SNX29: variants seen among roughly 807,000 people sequenced by gnomAD.
SNX29 encodes the protein sorting nexin 29.
A neutral mutation model predicts 102.1 loss-of-function variants in SNX29; 78 were observed. The ratio of observed to expected loss-of-function variants is 0.76; its 90% confidence interval spans 0.64 to 0.92. The LOEUF is 0.92. SNX29 is among the 40% of genes least tolerant of loss of function. The pLI is 0.00. For missense variants in SNX29, 1,280 were observed against 1,061.7 expected (o/e 1.21, Z -2.86); for synonymous variants, 580 against 414.5 (o/e 1.40, Z -4.85).
chr16:12,138,091 G>T (rs956829491), intron 13 of SNX29, among the ~76,000 whole-genome samples: 1 of 151,864 alleles, frequency 6.6e-6, no homozygotes, highest in Admixed American at 6.6e-5. Context: ...AGCCTGCCAA[G>T]AATTTGCCAT....
At chr16:12,560,582 A>T (rs1042499180) in intron 20 of SNX29, among the ~76,000 whole-genome samples, 2 of 152,162 alleles carry the variant, frequency 1.3e-5, no homozygotes, top group African/African-American at 4.8e-5. Flanking sequence ...GGGTCTGTCC[A>T]TCTGTACCTC....
intron 20 of SNX29, among the ~76,000 whole-genome samples, chr16:12,565,281 G>A (rs181703891): frequency 1.5e-4 from 23 of 152,068 alleles, no homozygotes; most frequent in South Asian, 4.2e-4. Context: ...CCTCACATAC[G>A]CCAGCAGCCA....
intron 18 of SNX29, among the ~76,000 whole-genome samples, chr16:12,458,144 T>C (rs1156398704): frequency 2.6e-5 from 4 of 152,208 alleles, no homozygotes; most frequent in Non-Finnish European, 5.9e-5. Flanking sequence ...CAGCTTCACC[T>C]TGGGCTCTGC....
chr16:12,395,529 C>A (rs946221664), intron 16 of SNX29, among the ~76,000 whole-genome samples: 5 of 152,232 alleles, frequency 3.3e-5, no homozygotes, highest in African/African-American at 1.2e-4. Context: ...TTCCTTGCAC[C>A]TGAAGACTGC....
intron 18 of SNX29, among the ~76,000 whole-genome samples, chr16:12,403,796 C>T (rs1208448970): frequency 6.6e-6 from 1 of 152,160 alleles, no homozygotes; most frequent in Non-Finnish European, 1.5e-5. Flanking sequence ...TGAGCAGAAA[C>T]GGAGATGTGT....
intron 20 of SNX29, among the ~76,000 whole-genome samples, chr16:12,539,211 C>T (rs954591434): frequency 3.3e-5 from 5 of 152,208 alleles, no homozygotes; most frequent in Admixed American, 6.5e-5. Context: ...ACCACCATCA[C>T]CGTCAAGATA....
chr16:12,350,637 G>A (rs775479517), intron 15 of SNX29, among the ~76,000 whole-genome samples: 2 of 152,116 alleles, frequency 1.3e-5, no homozygotes, highest in South Asian at 4.2e-4. Context: ...CTTCTGCAAC[G>A]TCCCCGTTTT....
chr16:12,486,430 C>T (rs1421479808), intron 19 of SNX29, among the ~76,000 whole-genome samples: 2 of 129,586 alleles, frequency 1.5e-5, no homozygotes, highest in Non-Finnish European at 3.2e-5. Flanking sequence ...CCTCTTCTTC[C>T]TTCTTCCTTC....
intron 20 of SNX29, among the ~76,000 whole-genome samples, chr16:12,564,951 A>C (rs77998110): frequency 7.5e-6 from 1 of 132,610 alleles, no homozygotes; most frequent in Non-Finnish European, 1.6e-5. Context: ...AAAAAAAAAA[A>C]GGCTGTCATT....
chr16:12,540,384 A>G (rs1007326049), intron 20 of SNX29, among the ~76,000 whole-genome samples: 3 of 152,188 alleles, frequency 2.0e-5, no homozygotes, highest in South Asian at 2.1e-4. Flanking sequence ...TGCCCTACCA[A>G]ATTGGCACAA....
rs1598129775 is a variant in SNX29, at chr16:12,568,942, T to C, written c.*313T>C. ...CTGTAGTTCAGGGCTGGCAGGAGGG[T>C]GGGCACCAGGTCAGGCTGGGTGCGC... On this transcript the variant is annotated 3_prime_UTR_variant, in exon 21 of 21. Transcript: ENST00000566228. 5.0e-6 allele frequency: 2 copies of C among 397,980 alleles called. No homozygotes were observed. The highest frequency in any genetic ancestry group is 4.3e-5 in the Admixed American group (1 of 23,216). The allele number at this position is 397,980 out of a possible 1,614,324, so 24.7% of individuals were successfully genotyped here. A position where few individuals can be genotyped will look rare whatever the true frequency, so the allele number is the denominator to read the frequency against.
chr16:12,468,519 C>G (rs1007947814), intron 18 of SNX29, among the ~76,000 whole-genome samples: 1 of 152,166 alleles, frequency 6.6e-6, no homozygotes, highest in Non-Finnish European at 1.5e-5. Flanking sequence ...AATCCAACCC[C>G]ACTCCCAGGC....
intron 16 of SNX29, chr16:12,375,419 T>C (rs2082836240): frequency 6.6e-6 from 1 of 152,228 alleles, no homozygotes; most frequent in Non-Finnish European, 1.5e-5. Context: ...ACAGTTTCTG[T>C]GGGCCTGGAG....
At chr16:12,284,484 G>A (rs976580207) in intron 15 of SNX29, among the ~76,000 whole-genome samples, 16 of 152,192 alleles carry the variant, frequency 1.1e-4, no homozygotes, top group African/African-American at 3.9e-4. Flanking sequence ...GTCTGGGTGG[G>A]ACAGTATGTC....
intron 16 of SNX29, among the ~76,000 whole-genome samples, chr16:12,366,072 C>CAAAAAAA (rs2082469539): frequency 1.1e-5 from 1 of 87,476 alleles, no homozygotes; most frequent in Non-Finnish European, 2.8e-5. Flanking sequence ...AAAAAAAAAT[C>CAAAAAAA]AGAACAATGA....
At chr16:12,527,493 T>C in intron 20 of SNX29, 2 of 429,860 alleles carry the variant, frequency 4.7e-6, no homozygotes, top group Non-Finnish European at 8.8e-6. Flanking sequence ...TTTGAGTTAC[T>C]GAACGTAACC....
intron 19 of SNX29, among the ~76,000 whole-genome samples, chr16:12,483,121 T>TTTTTTTG: frequency 9.6e-6 from 1 of 104,442 alleles, no homozygotes; most frequent in Non-Finnish European, 1.9e-5. Context: ...TAAGTTTTTT[T>TTTTTTTG]TTTTTTTTTT....
intron 10 of SNX29, among the ~76,000 whole-genome samples, chr16:12,069,618 G>C: frequency 6.6e-6 from 1 of 152,156 alleles, no homozygotes; most frequent in Admixed American, 6.5e-5. Context: ...CTGCCTCAGA[G>C]AGACTGTATA....
intron 20 of SNX29, among the ~76,000 whole-genome samples, chr16:12,532,079 A>AG (rs2076947325): frequency 6.6e-6 from 1 of 152,238 alleles, no homozygotes; most frequent in Non-Finnish European, 1.5e-5. Flanking sequence ...GAACCAGGAC[A>AG]GGAACATGTG....
Sources: allele counts gnomAD v4.1 joint callset (sites outside exome capture counted in the v4.1 genomes callset), GRCh38; gene constraint gnomAD v4.1.1; transcripts MANE v1.5; gene names NCBI Gene and HGNC (gene_info 2026-07-23, HGNC 2026-07-21).